ABHD14B: variants seen among roughly 807,000 people sequenced by gnomAD.
The protein encoded by ABHD14B is putative protein-lysine deacylase ABHD14B.
In ABHD14B, 19 loss-of-function variants were observed where a neutral mutation model predicts 15.4. That is an observed-to-expected ratio of 1.23 (90% CI 0.86 to 1.81). The LOEUF (loss-of-function observed/expected upper bound fraction) is 1.81, where lower values mean the gene tolerates loss of function less well. Among genes scored for constraint, ABHD14B ranks in the 40% most tolerant of loss-of-function variants. ABHD14B has a pLI of 0.00. For synonymous variants in ABHD14B, 92 were observed against 117.3 expected (o/e 0.78, Z 1.39); for missense variants, 243 against 267.0 (o/e 0.91, Z 0.63).
At position 51,969,563 on chromosome 3, in the gene ABHD14B, GA is replaced by G; in HGVS notation, c.495del (p.Gln166ArgfsTer7). ...LIVYGDQDPMGQTSFEHLKQL... is the reference protein window; with the variant it reads ...LIVYGDQDPMXQTSFEHLKQL... Reference sequence around the variant, plus strand: ...TGCTTCAGGTGCTCAAAGCTGGTCTGACCCATGGGGTCCTGGTCTCCATATA... The same window carrying G: ...TGCTTCAGGTGCTCAAAGCTGGTCTGCCCATGGGGTCCTGGTCTCCATATA... On this transcript the variant is annotated frameshift_variant, in exon 4 of 4. Coordinates refer to ENST00000361143, the MANE Select transcript of ABHD14B (RefSeq NM_001146314.2). LOFTEE classifies it high-confidence loss of function. 6.2e-7 allele frequency: 1 copy of G among 1,613,828 alleles called. No homozygotes were observed. The highest frequency in any genetic ancestry group is 8.5e-7 in the Non-Finnish European group (1 of 1,179,982).
chr3:51,973,149 A>G (rs916321216), intron 1 of ABHD14B, among the ~76,000 whole-genome samples: 9 of 147,054 alleles, frequency 6.1e-5, no homozygotes, highest in Admixed American at 2.8e-4. Flanking sequence ...GGTTCACGCC[A>G]TTCTCCTGCC....
chr3:51,973,002 C>A (rs1366033602), intron 1 of ABHD14B, among the ~76,000 whole-genome samples: 3 of 151,710 alleles, frequency 2.0e-5, no homozygotes, highest in African/African-American at 4.8e-5. Flanking sequence ...CTCAGCCTCC[C>A]GAGTAGCTGG....
intron 1 of ABHD14B, among the ~76,000 whole-genome samples, chr3:51,973,401 G>A (rs1338143125): frequency 6.6e-6 from 1 of 150,602 alleles, no homozygotes; most frequent in African/African-American, 2.5e-5. Flanking sequence ...GGCCGAGCTG[G>A]TCCGGAACTC....
chr3:51,973,521 T>TC (rs1263112154), intron 1 of ABHD14B, among the ~76,000 whole-genome samples: 4 of 142,776 alleles, frequency 2.8e-5, no homozygotes, highest in African/African-American at 5.4e-5. Flanking sequence ...TTTTTTTTCT[T>TC]TTTTTTTTTT....
chr3:51,973,845 G>A (rs767971505), intron 1 of ABHD14B, 120 bp downstream of exon 1: 150 of 1,289,712 alleles, frequency 1.2e-4, no homozygotes, highest in African/African-American at 8.9e-4. Flanking sequence ...GGGAGCACCG[G>A]GAGGGAATGG....
chr3:51,969,447 G>A lies in ABHD14B; in HGVS notation c.612C>T (p.Asp204=), dbSNP rs1247025276. The A allele has an allele frequency of 3.7e-6, 6 of 1,612,734 alleles. No individual in the cohort carries two copies. ...KPEEWHTGLL[D]FLQGLQ is the part of the protein sequence containing the mutation. ...GGCTTCACTGGAGCCCCTGCAGGAAGTCCAGCAGCCCTGTATGCCACTCCT... is the reference window on the plus strand; with the variant it reads ...GGCTTCACTGGAGCCCCTGCAGGAAATCCAGCAGCCCTGTATGCCACTCCT... The change falls in exon 4 of 4, where the codon GAC becomes GAT. Residue 204 remains aspartate (D), a synonymous_variant. Transcript: ENST00000361143.
At chr3:51,973,137 C>A (rs991857150) in intron 1 of ABHD14B, among the ~76,000 whole-genome samples, 7 of 150,082 alleles carry the variant, frequency 4.7e-5, no homozygotes, top group Non-Finnish European at 5.9e-5. Flanking sequence ...CTCCGCCTCC[C>A]GGGTTCACGC....
At chr3:51,973,703 G>A (rs1431427926) in intron 1 of ABHD14B, 5 of 525,648 alleles carry the variant, frequency 9.5e-6, no homozygotes, top group Non-Finnish European at 1.6e-5. Context: ...GGCGGAAACC[G>A]AAGCGCCCAG....
chr3:51,970,223 A>G, intron 2 of ABHD14B, 39 bp from the exon 3 acceptor site: 1 of 1,516,132 alleles, frequency 6.6e-7, no homozygotes, highest in South Asian at 1.3e-5. Context: ...AGACAAGGGC[A>G]GTGAATGGCA....
chr3:51,973,503 CG>C lies in ABHD14B; in HGVS notation c.-29+461del, dbSNP rs753888239. Reference sequence around the variant, plus strand: ...GCCGGAACTAAAAGCCCATTTTCTTCGGTTTTTTTTTTTTTCTTTTTTTTTT... The same window carrying C: ...GCCGGAACTAAAAGCCCATTTTCTTCGTTTTTTTTTTTTTCTTTTTTTTTT... On this transcript the variant is annotated intron_variant, in intron 1 of 3. Coordinates refer to ENST00000361143, the MANE Select transcript of ABHD14B (RefSeq NM_001146314.2). Among the ~76,000 whole-genome samples, 59 of 130,512 alleles carry C rather than the reference CG, an allele frequency of 4.5e-4. No homozygotes were observed. The East Asian group carries it at 9.5e-3, about 21-fold the overall frequency. The allele number at this position is 130,512 out of a possible 152,430, so 85.6% of individuals were successfully genotyped here.
In ABHD14B at chr3:51,969,975, T is replaced by C. The variant is rs1241353019; in HGVS notation, c.421A>G (p.Lys141Glu). ...FVPVAPICTD[K>E]INAANYASVK... ...CTGGCATAGTTGGCAGCATTGATTTTGTCAGTGCAGATGGGGGCCACTGGC... is the reference window on the plus strand; with the variant it reads ...CTGGCATAGTTGGCAGCATTGATTTCGTCAGTGCAGATGGGGGCCACTGGC... The change falls in exon 3 of 4, where the codon AAA (lysine) becomes GAA (glutamate). Residue 141 changes from lysine (K) to glutamate (E), a missense_variant. By Grantham distance (56) the Lys-to-Glu change is moderately conservative. Coordinates refer to ENST00000361143, the MANE Select transcript of ABHD14B (RefSeq NM_001146314.2). 1.9e-6 allele frequency: 3 copies of C among 1,614,102 alleles called. No homozygotes were observed. Among genetic ancestry groups the C allele is most frequent in the Non-Finnish European group, 2.5e-6 (3 of 1,180,040 alleles).
chr3:51,971,521 G>T lies in ABHD14B; in HGVS notation c.150C>A (p.Asn50Lys), dbSNP rs1362914532. ...GGGCCAGCCTGTGCAGTGTACCCAG[G>T]TTCTGCCAGGTCTCGGAGGAGAAGC... is the stretch of plus-strand genomic sequence containing the variant. ...GIRFSSETWQ[N>K]LGTLHRLAQA... The change falls in exon 2 of 4, where the codon AAC becomes AAA. Residue 50 changes from asparagine (N) to lysine (K), a missense_variant. Transcript: ENST00000361143. The T allele has an allele frequency of 3.7e-6, 6 of 1,613,066 alleles. No homozygotes were observed. Among genetic ancestry groups the T allele is most frequent in the Admixed American group, 3.3e-5 (2 of 59,934 alleles).
rs1700721713 is a variant in ABHD14B at position 51,973,957 on chromosome 3, G to C, written c.-29+8C>G. Reference sequence around the variant, plus strand: ...GAGAAGAAAGGGTCAGGAGTGCAGGGCGGGTACCTGGGGAGCTGCGTGGAC... The same window carrying C: ...GAGAAGAAAGGGTCAGGAGTGCAGGCCGGGTACCTGGGGAGCTGCGTGGAC... On this transcript the variant is annotated splice_region_variant and intron_variant, in intron 1 of 3. Transcript: ENST00000361143. 1 of 1,289,616 alleles carries C rather than the reference G, an allele frequency of 7.8e-7. No individual in the cohort carries two copies. Among genetic ancestry groups the C allele is most frequent in the Non-Finnish European group, 1.0e-6 (1 of 988,878 alleles). 79.9% of individuals were successfully genotyped at this position (1,289,616 alleles called of 1,614,324 possible). A position where few individuals can be genotyped will look rare whatever the true frequency, so the allele number is the denominator to read the frequency against.
In ABHD14B at chr3:51,973,952, G is replaced by A. The variant is rs1487126176; in HGVS notation, c.-29+13C>T. The A allele has an allele frequency of 7.8e-7, 1 of 1,289,774 alleles. No individual in the cohort carries two copies. The highest frequency in any genetic ancestry group is 1.0e-6 in the Non-Finnish European group (1 of 988,876). The allele number at this position is 1,289,774 out of a possible 1,614,324, so 79.9% of individuals were successfully genotyped here. A position where few individuals can be genotyped will look rare whatever the true frequency, so the allele number is the denominator to read the frequency against. On this transcript the variant is annotated intron_variant, in intron 1 of 3. Transcript: ENST00000361143. Reference sequence around the variant, plus strand: ...CTGGAGAGAAGAAAGGGTCAGGAGTGCAGGGCGGGTACCTGGGGAGCTGCG... The same window carrying A: ...CTGGAGAGAAGAAAGGGTCAGGAGTACAGGGCGGGTACCTGGGGAGCTGCG...
rs1223068537 is a variant in ABHD14B at position 51,970,247 on chromosome 3, G to A, written c.212-63C>T. On this transcript the variant is annotated intron_variant, in intron 2 of 3. Coordinates refer to ENST00000361143, the MANE Select transcript of ABHD14B (RefSeq NM_001146314.2). ...CAGTGAATGGCAAAACAAGGGAGAT[G>A]GTTGCTCTCTCCAGGAAGCCCTCCT... is the stretch of plus-strand genomic sequence containing the variant. 26 of 1,513,992 alleles carry A rather than the reference G, an allele frequency of 1.7e-5. No homozygotes were observed. The South Asian group carries it at 2.7e-4, about 16-fold the overall frequency. The allele number at this position is 1,513,992 out of a possible 1,614,324, so 93.8% of individuals were successfully genotyped here.
chr3:51,973,049 T>TC (rs2106801690), intron 1 of ABHD14B, among the ~76,000 whole-genome samples: 1 of 149,558 alleles, frequency 6.7e-6, no homozygotes, highest in East Asian at 2.0e-4. Flanking sequence ...GGCTAATTTT[T>TC]TTTTTTTTTT....
rs2106795027 is a variant in ABHD14B at position 51,969,278 on chromosome 3, C to T, written c.*148G>A. ...CTGCAAGAGAAAGAGGTAGAAAAGA[C>T]AAACAGACCACAAAAGACAAGAACC... On this transcript the variant is annotated 3_prime_UTR_variant, in exon 4 of 4. Transcript: ENST00000361143. The T allele has an allele frequency of 1.1e-6, 1 of 909,060 alleles. No individual in the cohort carries two copies. The highest frequency in any genetic ancestry group is 2.6e-5 in the East Asian group (1 of 38,638). 56.3% of individuals were successfully genotyped at this position (909,060 alleles called of 1,614,324 possible).
At chr3:51,970,638 A>G (rs200414116) in intron 2 of ABHD14B, 6 of 458,682 alleles carry the variant, frequency 1.3e-5, no homozygotes, top group Non-Finnish European at 2.6e-5. Flanking sequence ...GAGGCTCCTG[A>G]AGGACAGCAG....
At chr3:51,973,887 C>T (rs761260125) in intron 1 of ABHD14B, 78 bp downstream of exon 1, 3 of 1,289,732 alleles carry the variant, frequency 2.3e-6, no homozygotes, top group South Asian at 2.5e-5. Flanking sequence ...CCCAGGGATC[C>T]GAGAAAGGAA....
Sources: allele counts gnomAD v4.1 joint callset (sites outside exome capture counted in the v4.1 genomes callset), GRCh38; gene constraint gnomAD v4.1.1; transcripts MANE v1.5; gene names NCBI Gene and HGNC (gene_info 2026-07-23, HGNC 2026-07-21).